The following SLC35F3 variants were observed in gnomAD, a reference collection of about 807,000 sequenced individuals.
SLC35F3 encodes solute carrier family 35 member F3, also known as putative thiamine transporter SLC35F3.
SLC35F3 carries 25 observed loss-of-function variants against 49.9 expected under a neutral mutation model. The observed-to-expected ratio is 0.50, with a 90% CI of 0.37 to 0.70. SLC35F3 has a LOEUF of 0.70. Ranked by LOEUF, SLC35F3 falls within the 30% of genes least tolerant of loss-of-function variation. SLC35F3 has a pLI of 0.00. For missense variants in SLC35F3, 525 were observed against 639.8 expected (o/e 0.82, Z 1.94); for synonymous variants, 275 against 265.4 (o/e 1.04, Z -0.35).
intron 3 of SLC35F3, among the ~76,000 whole-genome samples, chr1:234,240,572 T>C (rs778425633): frequency 6.6e-6 from 1 of 150,942 alleles, no homozygotes; most frequent in Non-Finnish European, 1.5e-5. Context: ...GCCGCTGCAC[T>C]CCAGCCTGGG....
At chr1:233,910,581 G>A (rs1661859162) in intron 2 of SLC35F3, among the ~76,000 whole-genome samples, 1 of 152,224 alleles carries the variant, frequency 6.6e-6, no homozygotes, top group South Asian at 2.1e-4. Context: ...ACCTGCATTA[G>A]AACACAGACA....
chr1:233,938,351 G>T (rs1413081296), intron 2 of SLC35F3, among the ~76,000 whole-genome samples: 1 of 152,100 alleles, frequency 6.6e-6, no homozygotes, highest in African/African-American at 2.4e-5. Context: ...GCTGAACCCG[G>T]GTTATATGGT....
intron 2 of SLC35F3, among the ~76,000 whole-genome samples, chr1:234,019,269 G>A (rs1663854867): frequency 6.6e-6 from 1 of 152,162 alleles, no homozygotes; most frequent in Non-Finnish European, 1.5e-5. Flanking sequence ...GGCTGGAAGG[G>A]GTGAGGTCTG....
At chr1:233,968,104 G>A (rs1357815225) in intron 2 of SLC35F3, among the ~76,000 whole-genome samples, 1 of 152,168 alleles carries the variant, frequency 6.6e-6, no homozygotes, top group African/African-American at 2.4e-5. Flanking sequence ...AGAATCTGTC[G>A]CATGCCTCTC....
chr1:233,937,926 T>C (rs1187912607), intron 2 of SLC35F3, among the ~76,000 whole-genome samples: 1 of 152,134 alleles, frequency 6.6e-6, no homozygotes, highest in Non-Finnish European at 1.5e-5. Flanking sequence ...GACTTGTTAA[T>C]GTTCAGGTAG....
At chr1:234,072,839 C>T (rs894960206) in intron 2 of SLC35F3, among the ~76,000 whole-genome samples, 3 of 152,158 alleles carry the variant, frequency 2.0e-5, no homozygotes, top group African/African-American at 7.2e-5. Context: ...TTGTAAGGAC[C>T]TTGGCTTGGC....
At chr1:234,233,280 G>A (rs1667413188) in intron 3 of SLC35F3, among the ~76,000 whole-genome samples, 1 of 152,236 alleles carries the variant, frequency 6.6e-6, no homozygotes, top group South Asian at 2.1e-4. Flanking sequence ...TAATTAGGCG[G>A]TAACCCTTCA....
At chr1:234,087,415 T>C (rs1302047701) in intron 2 of SLC35F3, among the ~76,000 whole-genome samples, 1 of 152,154 alleles carries the variant, frequency 6.6e-6, no homozygotes, top group Non-Finnish European at 1.5e-5. Flanking sequence ...CAATCCGAGG[T>C]TGCTCCTTCA....
intron 2 of SLC35F3, among the ~76,000 whole-genome samples, chr1:234,109,573 G>A (rs932065572): frequency 1.3e-5 from 2 of 152,180 alleles, no homozygotes; most frequent in Non-Finnish European, 2.9e-5. Flanking sequence ...CCACATGGTT[G>A]CTAGCACCTT....
chr1:234,299,928 A>C (rs750145012), intron 3 of SLC35F3, among the ~76,000 whole-genome samples: 1 of 152,080 alleles, frequency 6.6e-6, no homozygotes, highest in Non-Finnish European at 1.5e-5. Flanking sequence ...AAACAGAGAA[A>C]GAGAGAGAAA....
Position 234,297,757 on chromosome 1 carries a change from A to C in SLC35F3, c.609-11344A>C, listed in dbSNP as rs375644931. 7.2e-3 allele frequency among the ~76,000 whole-genome samples: 1,014 copies of C among 141,082 alleles called. 32 individuals carry two copies. The highest frequency in any genetic ancestry group is 0.063 in the Admixed American group (899 of 14,378). The allele number at this position is 141,082 out of a possible 152,430, so 92.6% of individuals were successfully genotyped here. A position where few individuals can be genotyped will look rare whatever the true frequency, so the allele number is the denominator to read the frequency against. On this transcript the variant is annotated intron_variant, in intron 3 of 7. Transcript: ENST00000366618. ...ATACCCTGTCTCAAAAAAAAAAAAA[A>C]AAACAGTTAAACTCATAGAAGCAAG...
intron 7 of SLC35F3, among the ~76,000 whole-genome samples, chr1:234,321,044 C>CA (rs1288926890): frequency 1.8e-4 from 25 of 141,328 alleles, no homozygotes; most frequent in Non-Finnish European, 3.8e-4. Flanking sequence ...ATTGCCCCCC[C>CA]CCCACCCCAA....
intron 2 of SLC35F3, among the ~76,000 whole-genome samples, chr1:234,186,743 A>T (rs932722230): frequency 6.6e-6 from 1 of 152,170 alleles, no homozygotes; most frequent in Non-Finnish European, 1.5e-5. Context: ...AACATGCTGG[A>T]CCAGGTATCC....
chr1:234,135,471 C>T (rs192927522), intron 2 of SLC35F3, among the ~76,000 whole-genome samples: 1 of 152,264 alleles, frequency 6.6e-6, no homozygotes, highest in Admixed American at 6.5e-5. Flanking sequence ...CACAAGCCCA[C>T]CCCAGGTTTA....
chr1:234,124,497 C>G (rs1041641608), intron 2 of SLC35F3, among the ~76,000 whole-genome samples: 11 of 152,156 alleles, frequency 7.2e-5, no homozygotes, highest in Non-Finnish European at 1.6e-4. Context: ...TATCATTTAG[C>G]ACCATATATG....
intron 2 of SLC35F3, among the ~76,000 whole-genome samples, chr1:234,043,013 TA>T (rs747096395): frequency 1.3e-5 from 2 of 152,242 alleles, no homozygotes; most frequent in Non-Finnish European, 2.9e-5. Context: ...TATTATGAAC[TA>T]AATACATTAA....
chr1:234,175,111 A>G (rs548105724), intron 2 of SLC35F3, among the ~76,000 whole-genome samples: 32 of 152,174 alleles, frequency 2.1e-4, no homozygotes, highest in Non-Finnish European at 1.9e-4. Context: ...CGGCTTTTGT[A>G]TCTTGAGTGG....
At chr1:234,026,272 C>T (rs1197844978) in intron 2 of SLC35F3, among the ~76,000 whole-genome samples, 1 of 152,060 alleles carries the variant, frequency 6.6e-6, no homozygotes, top group African/African-American at 2.4e-5. Context: ...ATTGTTTTGG[C>T]TATTTGGGCT....
chr1:234,189,634 G>A lies in SLC35F3; in HGVS notation c.284-41783G>A, dbSNP rs571933336. On this transcript the variant is annotated intron_variant, in intron 2 of 7. Coordinates refer to ENST00000366618, the MANE Select transcript of SLC35F3 (RefSeq NM_173508.4). The stretch of plus-strand genomic sequence containing the variant: ...GGAAGAAGAGAAATCTAGAAGTTTG[G>A]AAGACATATTTGGGGGAATAATTAA... Among the ~76,000 whole-genome samples, 61 of 152,010 alleles carry A rather than the reference G, an allele frequency of 4.0e-4. No individual in the cohort carries two copies. In the South Asian group the frequency reaches 9.4e-3, roughly 23 times the overall value.
Sources: gnomAD v4.1 joint callset for allele counts (sites outside exome capture counted in the v4.1 genomes callset) on GRCh38, gnomAD v4.1.1 for gene constraint, MANE v1.5 for transcripts, NCBI Gene and HGNC (gene_info 2026-07-23, HGNC 2026-07-21) for gene names.